Variants in PLXDC2 observed in about 807,000 individuals in gnomAD.
The protein encoded by PLXDC2 is plexin domain-containing protein 2.
PLXDC2 carries 40 observed loss-of-function variants against 68.9 expected under a neutral mutation model. The ratio of observed to expected loss-of-function variants is 0.58; its 90% confidence interval spans 0.45 to 0.76. The LOEUF is 0.76. PLXDC2 is among the 30% of genes least tolerant of loss of function. The probability of loss-of-function intolerance (pLI) is 0.00; values close to 1 mark genes in which losing one functional copy is unlikely to be tolerated. For missense variants in PLXDC2, 644 were observed against 661.9 expected (o/e 0.97, Z 0.30); for synonymous variants, 243 against 234.2 (o/e 1.04, Z -0.34).
intron 4 of PLXDC2, among the ~76,000 whole-genome samples, chr10:20,073,869 T>G (rs746247306): frequency 8.5e-5 from 13 of 152,134 alleles, no homozygotes; most frequent in Admixed American, 1.3e-4. Context: ...TTCAAAAATG[T>G]AGATTTAAGT....
chr10:19,993,531 T>C (rs1834787375), intron 1 of PLXDC2, among the ~76,000 whole-genome samples: 1 of 152,196 alleles, frequency 6.6e-6, no homozygotes, highest in African/African-American at 2.4e-5. Context: ...GCAATTCTCC[T>C]GCTTCAGCCT....
chr10:20,282,839 T>C lies in PLXDC2; in HGVS notation c.*3020T>C, dbSNP rs1337500765. On this transcript the variant is annotated 3_prime_UTR_variant, in exon 14 of 14. Coordinates refer to ENST00000377252, the MANE Select transcript of PLXDC2 (RefSeq NM_032812.9). ...GTGCAATTGACCCCCAATTACTATT[T>C]TAGTTTGAGGTATCAAGGGCATTTG... is the stretch of plus-strand genomic sequence containing the variant. 6.6e-6 allele frequency: 1 copy of C among 152,188 alleles called. No individual in the cohort carries two copies. The highest frequency in any genetic ancestry group is 1.9e-4 in the East Asian group (1 of 5,204). 9.4% of individuals were successfully genotyped at this position (152,188 alleles called of 1,614,324 possible). A position where few individuals can be genotyped will look rare whatever the true frequency, so the allele number is the denominator to read the frequency against.
intron 1 of PLXDC2, among the ~76,000 whole-genome samples, chr10:19,964,143 A>G (rs897719128): frequency 2.6e-5 from 4 of 152,156 alleles, no homozygotes; most frequent in African/African-American, 7.2e-5. Context: ...GCCTCTGCCA[A>G]TTTCTTTGGC....
chr10:19,885,796 C>T (rs1389755262), intron 1 of PLXDC2, among the ~76,000 whole-genome samples: 1 of 152,170 alleles, frequency 6.6e-6, no homozygotes, highest in Non-Finnish European at 1.5e-5. Flanking sequence ...ATGATGCCTC[C>T]AGCTTTGTTC....
intron 1 of PLXDC2, among the ~76,000 whole-genome samples, chr10:19,903,273 T>C (rs56105242): frequency 0.046 from 6,938 of 152,098 alleles, 197 homozygotes; most frequent in Middle Eastern, 0.12. Context: ...TTTGAATGTC[T>C]CATAGAATTC....
chr10:20,021,580 A>G (rs1345838583), intron 2 of PLXDC2, among the ~76,000 whole-genome samples: 1 of 151,836 alleles, frequency 6.6e-6, no homozygotes, highest in Non-Finnish European at 1.5e-5. Context: ...CAATAAGGCC[A>G]CCCCCTCTTG....
At chr10:19,819,949 T>C (rs978868673) in intron 1 of PLXDC2, among the ~76,000 whole-genome samples, 1 of 152,216 alleles carries the variant, frequency 6.6e-6, no homozygotes, top group African/African-American at 2.4e-5. Context: ...ATCTGTCATA[T>C]TGTTGGACAA....
Position 20,245,379 on chromosome 10 carries a change from G to A in PLXDC2, c.1347G>A (p.Gly449=), listed in dbSNP as rs562719695. The change falls in exon 13 of 14, where the codon GGG becomes GGA. Residue 449 remains glycine, a synonymous_variant. Transcript: ENST00000377252. ...STDDSAAEKK[G]GTLHAGLIIG... The stretch of plus-strand genomic sequence containing the variant: ...ATGACAGTGCAGCTGAGAAGAAAGG[G>A]GGAACCCTCCACGCTGGCCTCATCA... 3.1e-6 allele frequency: 5 copies of A among 1,613,758 alleles called. No individual in the cohort carries two copies. The highest frequency in any genetic ancestry group is 2.7e-5 in the African/African-American group (2 of 75,028).
At chr10:20,012,406 C>T (rs1835136000) in intron 2 of PLXDC2, among the ~76,000 whole-genome samples, 1 of 142,710 alleles carries the variant, frequency 7.0e-6, no homozygotes, top group South Asian at 2.3e-4. Flanking sequence ...CACCCTCCAC[C>T]TTCCAGGTTC....
intron 1 of PLXDC2, among the ~76,000 whole-genome samples, chr10:19,983,150 A>G (rs1208510836): frequency 6.6e-6 from 1 of 152,130 alleles, no homozygotes; most frequent in African/African-American, 2.4e-5. Flanking sequence ...TAAAGAGAAA[A>G]TTCTAAATCT....
In PLXDC2 at chr10:20,038,243, TAAA is replaced by T. The variant is rs112194238; in HGVS notation, c.325-8617_325-8615del. 5.0e-3 allele frequency among the ~76,000 whole-genome samples: 712 copies of T among 141,180 alleles called. 6 individuals carry two copies. The highest frequency in any genetic ancestry group is 0.017 in the African/African-American group (662 of 38,602). 92.6% of individuals were successfully genotyped at this position (141,180 alleles called of 152,430 possible). On this transcript the variant is annotated intron_variant, in intron 2 of 13. Coordinates refer to ENST00000377252, the MANE Select transcript of PLXDC2 (RefSeq NM_032812.9). ...AGAGCAAGACTCTGTCTCAAAAAAA[TAAA>T]AAAAAAAATTTAAAAAAAAGAATAA...
rs201318698 is a variant in PLXDC2 at position 20,272,449 on chromosome 10, GA to G, written c.1474-7244del. ...ATTTAAAAAAATGAAGTCAAAAAAG[GA>G]AAAAAAAAATTCAAGAAAGAGAGCT... On this transcript the variant is annotated intron_variant, in intron 13 of 13. Transcript: ENST00000377252. Among the ~76,000 whole-genome samples the G allele has an allele frequency of 3.3e-4, 49 of 149,914 alleles. 2 individuals carry two copies. The highest frequency in any genetic ancestry group is 8.5e-4 in the South Asian group (4 of 4,716).
intron 1 of PLXDC2, among the ~76,000 whole-genome samples, chr10:19,882,500 A>G (rs909425147): frequency 6.6e-6 from 1 of 152,248 alleles, no homozygotes; most frequent in Non-Finnish European, 1.5e-5. Context: ...TGGTAGACCC[A>G]GGACTTAAAT....
intron 3 of PLXDC2, among the ~76,000 whole-genome samples, chr10:20,061,437 C>A (rs1009251065): frequency 6.6e-6 from 1 of 152,018 alleles, no homozygotes; most frequent in Non-Finnish European, 1.5e-5. Flanking sequence ...GATATTTTGT[C>A]CTTCCTCGTG....
At chr10:20,273,193 T>A (rs1388673497) in intron 13 of PLXDC2, among the ~76,000 whole-genome samples, 1 of 152,130 alleles carries the variant, frequency 6.6e-6, no homozygotes, top group East Asian at 1.9e-4. Context: ...AATATGCCCC[T>A]TTTCTTTCTT....
chr10:19,956,279 G>A (rs987588397), intron 1 of PLXDC2, among the ~76,000 whole-genome samples: 6 of 151,930 alleles, frequency 3.9e-5, no homozygotes, highest in Admixed American at 1.3e-4. Context: ...GGTGCAGGGG[G>A]GTGTCTCAGC....
chr10:19,953,471 A>C (rs1834022663), intron 1 of PLXDC2, among the ~76,000 whole-genome samples: 1 of 152,266 alleles, frequency 6.6e-6, no homozygotes, highest in African/African-American at 2.4e-5. Flanking sequence ...GAGGTGAAGC[A>C]GTAGGAGAAA....
rs556880372 is a variant in PLXDC2, at chr10:20,015,900, C to A, written c.324+13914C>A. ...CCTTTCTTATTGGCAAATTTGCCCT[C>A]TCAACCAAGTATTTCTTTTTACTAA... On this transcript the variant is annotated intron_variant, in intron 2 of 13. Transcript: ENST00000377252. Among the ~76,000 whole-genome samples, 32 of 152,260 alleles carry A rather than the reference C, an allele frequency of 2.1e-4. No individual in the cohort carries two copies. The East Asian group carries it at 5.2e-3, about 25-fold the overall frequency.
At chr10:20,023,753 G>A (rs1835352022) in intron 2 of PLXDC2, among the ~76,000 whole-genome samples, 1 of 129,402 alleles carries the variant, frequency 7.7e-6, no homozygotes, top group Admixed American at 8.5e-5. Context: ...TTTATAGGCA[G>A]CCACTTTCAA....
Sources: gnomAD v4.1 joint callset for allele counts (sites outside exome capture counted in the v4.1 genomes callset) on GRCh38, gnomAD v4.1.1 for gene constraint, MANE v1.5 for transcripts, NCBI Gene and HGNC (gene_info 2026-07-23, HGNC 2026-07-21) for gene names.